The following IMMP2L variants were observed in gnomAD, a reference collection of about 807,000 sequenced individuals.
IMMP2L encodes the protein inner mitochondrial membrane peptidase subunit 2.
IMMP2L carries 18 observed loss-of-function variants against 19.3 expected under a neutral mutation model. The observed-to-expected ratio is 0.93, with a 90% confidence interval of 0.64 to 1.38. The LOEUF is 1.38. Among genes scored for constraint, IMMP2L ranks in the 40% most tolerant of loss-of-function variants. The pLI, the probability that IMMP2L is intolerant of heterozygous loss-of-function variation, is 0.00. For synonymous variants in IMMP2L, 76 were observed against 73.0 expected, an observed-to-expected ratio of 1.04 and a Z score of -0.21; for missense variants, 233 against 218.2, an observed-to-expected ratio of 1.07 and a Z score of -0.43.
intron 3 of IMMP2L, among the ~76,000 whole-genome samples, chr7:111,339,250 T>C (rs1048042612): frequency 2.0e-5 from 3 of 151,496 alleles, no homozygotes; most frequent in South Asian, 4.1e-4. Flanking sequence ...TCAAATTCAA[T>C]GCCATGATTC....
At chr7:111,525,460 T>C (rs1354470530) in intron 1 of IMMP2L, among the ~76,000 whole-genome samples, 2 of 152,162 alleles carry the variant, frequency 1.3e-5, no homozygotes, top group Admixed American at 6.6e-5. Flanking sequence ...TGAATGATCC[T>C]ATCTGCATTT....
chr7:110,862,278 AT>A (rs1371247252), intron 5 of IMMP2L, among the ~76,000 whole-genome samples: 1 of 151,720 alleles, frequency 6.6e-6, no homozygotes, highest in Non-Finnish European at 1.5e-5. Context: ...CTTTTATAAA[AT>A]CCTCCAGTGG....
chr7:110,791,579 T>C (rs1800462956), intron 5 of IMMP2L, among the ~76,000 whole-genome samples: 2 of 151,730 alleles, frequency 1.3e-5, no homozygotes, highest in Non-Finnish European at 2.9e-5. Flanking sequence ...TATTCCTCTT[T>C]CTCTCCTAAT....
intron 3 of IMMP2L, among the ~76,000 whole-genome samples, chr7:111,243,557 G>A (rs1233393881): frequency 7.4e-6 from 1 of 134,712 alleles, no homozygotes; most frequent in Non-Finnish European, 1.6e-5. Context: ...GGGTACATGT[G>A]CACATTGTGC....
At position 110,776,851 on chromosome 7, in the gene IMMP2L, C is replaced by T. The variant is rs1010390422; in HGVS notation, c.408+109742G>A. The stretch of plus-strand genomic sequence containing the variant: ...AGACTACTTCTTACTTTATACCTCC[C>T]ACTGTATCTGGTATTGTGTTTATTC... On this transcript the variant is annotated intron_variant, in intron 5 of 5. Transcript: ENST00000405709. 4.7e-4 allele frequency among the ~76,000 whole-genome samples: 72 copies of T among 152,042 alleles called. 1 individual carries two copies. Among genetic ancestry groups the T allele is most frequent in the African/African-American group, 1.5e-3 (62 of 41,518 alleles).
chr7:111,322,983 C>T lies in IMMP2L; in HGVS notation c.239+164255G>A, dbSNP rs140164898. ...TGAATGCACCTTTGTTTTACACGGACGGCTGCATCTCCCACATTTGCAAAC... is the reference window on the plus strand; with the variant it reads ...TGAATGCACCTTTGTTTTACACGGATGGCTGCATCTCCCACATTTGCAAAC... On this transcript the variant is annotated intron_variant, in intron 3 of 5. Transcript: ENST00000405709. 8.7e-3 allele frequency among the ~76,000 whole-genome samples: 1,313 copies of T among 151,494 alleles called. 9 individuals carry two copies. Among genetic ancestry groups the T allele is most frequent in the Middle Eastern group, 0.014 (4 of 290 alleles).
intron 5 of IMMP2L, among the ~76,000 whole-genome samples, chr7:110,725,039 G>A (rs1350756389): frequency 6.6e-6 from 1 of 152,178 alleles, no homozygotes; most frequent in Non-Finnish European, 1.5e-5. Context: ...GGGATAGACA[G>A]ATAAAATGAA....
intron 5 of IMMP2L, among the ~76,000 whole-genome samples, chr7:110,691,785 T>C (rs1047050648): frequency 2.0e-5 from 3 of 152,114 alleles, no homozygotes; most frequent in African/African-American, 7.2e-5. Context: ...AAGATGGCCA[T>C]TATTAAAAAG....
At chr7:110,735,671 A>ATATATT (rs3051065) in intron 5 of IMMP2L, among the ~76,000 whole-genome samples, 1 of 109,522 alleles carries the variant, frequency 9.1e-6, no homozygotes, top group Admixed American at 1.2e-4. Context: ...ATATATATAT[A>ATATATT]GTAGACAAAT....
At chr7:111,468,832 C>T (rs1396613990) in intron 3 of IMMP2L, among the ~76,000 whole-genome samples, 2 of 152,020 alleles carry the variant, frequency 1.3e-5, no homozygotes, top group Middle Eastern at 6.8e-3. Context: ...ATAAGAAAAA[C>T]CTAGAAGTTA....
chr7:111,079,107 G>C (rs1389727029), intron 3 of IMMP2L, among the ~76,000 whole-genome samples: 1 of 151,742 alleles, frequency 6.6e-6, no homozygotes, highest in Non-Finnish European at 1.5e-5. Flanking sequence ...AATTAAATAT[G>C]ACATTAATTT....
chr7:111,207,988 C>CA (rs1166721768), intron 3 of IMMP2L, among the ~76,000 whole-genome samples: 1 of 152,162 alleles, frequency 6.6e-6, no homozygotes, highest in African/African-American at 2.4e-5. Flanking sequence ...TCATTTCACA[C>CA]ATTTGTCTTC....
intron 3 of IMMP2L, among the ~76,000 whole-genome samples, chr7:111,075,730 T>A (rs1431733907): frequency 1.3e-5 from 2 of 152,116 alleles, no homozygotes; most frequent in Non-Finnish European, 2.9e-5. Context: ...CTGTGTACAC[T>A]TTTTCCCCAC....
At chr7:111,016,950 G>GATATATAATTATATGTATAATT (rs1825764965) in intron 3 of IMMP2L, among the ~76,000 whole-genome samples, 1 of 103,932 alleles carries the variant, frequency 9.6e-6, no homozygotes, top group Non-Finnish European at 1.8e-5. Flanking sequence ...TTACATATAT[G>GATATATAATTATATGTATAATT]ATATATAATT....
At chr7:111,279,556 C>T (rs1176132937) in intron 3 of IMMP2L, among the ~76,000 whole-genome samples, 1 of 152,076 alleles carries the variant, frequency 6.6e-6, no homozygotes, top group Non-Finnish European at 1.5e-5. Flanking sequence ...TTACGAAAAC[C>T]CTTTTTCTAA....
At chr7:110,722,225 T>C (rs1450027288) in intron 5 of IMMP2L, among the ~76,000 whole-genome samples, 1 of 152,090 alleles carries the variant, frequency 6.6e-6, no homozygotes, top group Non-Finnish European at 1.5e-5. Flanking sequence ...AGTAATGGGA[T>C]GTAATAATAA....
At chr7:111,322,293 C>A (rs537325963) in intron 3 of IMMP2L, among the ~76,000 whole-genome samples, 10 of 151,870 alleles carry the variant, frequency 6.6e-5, no homozygotes, top group Non-Finnish European at 1.2e-4. Flanking sequence ...TAAATAGATT[C>A]TCAATAAATA....
intron 3 of IMMP2L, among the ~76,000 whole-genome samples, chr7:111,433,420 T>C (rs752706574): frequency 2.6e-5 from 4 of 151,826 alleles, no homozygotes; most frequent in Non-Finnish European, 5.9e-5. Flanking sequence ...CTTACACGGA[T>C]GGCAGCAGGC....
rs533920362 is a variant in IMMP2L, at chr7:111,437,282, C to G, written c.239+49956G>C. Among the ~76,000 whole-genome samples, 13 of 151,798 alleles carry G rather than the reference C, an allele frequency of 8.6e-5. No individual in the cohort carries two copies. In the South Asian group the frequency reaches 2.7e-3, roughly 32 times the overall value. ...CCAACGTGGAAAAACCCCATCTCTA[C>G]TAAAAATACAAAATTAACCAGGCAA... On this transcript the variant is annotated intron_variant, in intron 3 of 5. Coordinates refer to ENST00000405709, the MANE Select transcript of IMMP2L (RefSeq NM_032549.4).
Sources: gnomAD v4.1 joint callset for allele counts (sites outside exome capture counted in the v4.1 genomes callset) on GRCh38, gnomAD v4.1.1 for gene constraint, MANE v1.5 for transcripts, NCBI Gene and HGNC (gene_info 2026-07-23, HGNC 2026-07-21) for gene names.